The following INTS3 variants were observed in gnomAD, a reference collection of about 807,000 sequenced individuals.
INTS3 encodes integrator complex subunit 3, also known as SOSS complex subunit A.
A neutral mutation model predicts 146.3 loss-of-function variants in INTS3; 34 were observed. The observed-to-expected ratio is 0.23, with a 90% CI of 0.18 to 0.31. The LOEUF (loss-of-function observed/expected upper bound fraction) is 0.31. Among genes scored for constraint, INTS3 ranks in the 10% least tolerant of loss-of-function variants. The pLI is 1.00. For synonymous variants in INTS3, 475 were observed against 494.9 expected, an observed-to-expected ratio of 0.96 and a Z score of 0.53; for missense variants, 757 against 1,304.2, an observed-to-expected ratio of 0.58 and a Z score of 6.46.
intron 18 of INTS3, 60 bp downstream of exon 18, chr1:153,764,281 G>A (rs1672494419): frequency 2.7e-6 from 3 of 1,115,744 alleles, no homozygotes; most frequent in Non-Finnish European, 2.7e-6. Context: ...CTTACAGCCT[G>A]AGTCCAAGAG....
intron 3 of INTS3, among the ~76,000 whole-genome samples, chr1:153,741,821 C>G (rs1671545349): frequency 6.6e-6 from 1 of 152,158 alleles, no homozygotes; most frequent in South Asian, 2.1e-4. Flanking sequence ...ATGATTGATG[C>G]AGTAAATAAT....
chr1:153,764,075 T>C, intron 17 of INTS3, 43 bp from the exon 18 acceptor site: 1 of 1,511,528 alleles, frequency 6.6e-7, no homozygotes, highest in South Asian at 1.1e-5. Context: ...CAGGAGGGCT[T>C]GGGTGTAGGT....
chr1:153,734,572 G>A (rs930053847), intron 1 of INTS3, among the ~76,000 whole-genome samples: 1 of 152,200 alleles, frequency 6.6e-6, no homozygotes, highest in African/African-American at 2.4e-5. Flanking sequence ...GTGACCCATA[G>A]AATTGACTCA....
At chr1:153,751,940 C>T in intron 7 of INTS3, 1 of 300,230 alleles carries the variant, frequency 3.3e-6, no homozygotes, top group South Asian at 3.5e-5. Flanking sequence ...GTTAGGGTTT[C>T]TGGGGCTCAA....
chr1:153,743,456 G>A lies in INTS3; in HGVS notation c.318+2088G>A, dbSNP rs186778597. ...AGCCTCTGTTAGTACTGGCAGGCAG[G>A]TTCAAGGAGTTAGGGCCAACTCTCT... On this transcript the variant is annotated intron_variant, in intron 3 of 29. Coordinates refer to ENST00000318967, the MANE Select transcript of INTS3 (RefSeq NM_023015.5). 7.2e-5 allele frequency among the ~76,000 whole-genome samples: 11 copies of A among 152,296 alleles called. 1 individual carries two copies. The East Asian group carries it at 2.1e-3, about 29-fold the overall frequency.
intron 10 of INTS3, among the ~76,000 whole-genome samples, chr1:153,758,767 C>G (rs1672259960): frequency 6.6e-6 from 1 of 151,490 alleles, no homozygotes; most frequent in African/African-American, 2.4e-5. Context: ...CACTGCACTC[C>G]AGCCTGGGTG....
At chr1:153,736,529 C>T (rs1254350445) in intron 1 of INTS3, among the ~76,000 whole-genome samples, 1 of 151,688 alleles carries the variant, frequency 6.6e-6, no homozygotes, top group Middle Eastern at 3.2e-3. Flanking sequence ...TCACTGCAAC[C>T]TCTGCCTCCC....
At position 153,744,038 on chromosome 1, in the gene INTS3, CGTGTGTGTGTGTGTGT is replaced by C. The variant is rs200825280; in HGVS notation, c.318+2699_318+2714del. On this transcript the variant is annotated intron_variant, in intron 3 of 29. Coordinates refer to ENST00000318967, the MANE Select transcript of INTS3 (RefSeq NM_023015.5). ...TTTCCTCACTGAGGGTGTGCATGTG[CGTGTGTGTGTGTGTGT>C]GTGTGTGTGTGTGTGTGTGTGTGTG... 2.1e-4 allele frequency among the ~76,000 whole-genome samples: 30 copies of C among 142,338 alleles called. No individual in the cohort carries two copies. The South Asian group carries it at 2.8e-3, about 13-fold the overall frequency. The allele number at this position is 142,338 out of a possible 152,430, so 93.4% of individuals were successfully genotyped here.
In INTS3 at chr1:153,752,217, G is replaced by A. The variant is rs1031386130; in HGVS notation, c.730-62G>A. Reference sequence around the variant, plus strand: ...ATGTTGTTCCTTTGTCCTCCCTCCAGCAGGTAAACAATCCATGTTTTTATT... The same window carrying A: ...ATGTTGTTCCTTTGTCCTCCCTCCAACAGGTAAACAATCCATGTTTTTATT... On this transcript the variant is annotated intron_variant, in intron 7 of 29. Coordinates refer to ENST00000318967, the MANE Select transcript of INTS3 (RefSeq NM_023015.5). 4 of 1,520,006 alleles carry A rather than the reference G, an allele frequency of 2.6e-6. No individual in the cohort carries two copies. The East Asian group carries it at 9.0e-5, about 34-fold the overall frequency. The allele number at this position is 1,520,006 out of a possible 1,614,324, so 94.2% of individuals were successfully genotyped here.
chr1:153,744,032 CATGTGCGTGT>C (rs1476192704), intron 3 of INTS3, among the ~76,000 whole-genome samples: 5 of 116,414 alleles, frequency 4.3e-5, no homozygotes, highest in African/African-American at 1.7e-4. Context: ...TGAGGGTGTG[CATGTGCGTGT>C]GTGTGTGTGT....
intron 1 of INTS3, among the ~76,000 whole-genome samples, chr1:153,736,422 G>A (rs1671294171): frequency 6.6e-6 from 1 of 151,538 alleles, no homozygotes; most frequent in African/African-American, 2.4e-5. Context: ...GAGGATAATG[G>A]TAAAGGAGAA....
chr1:153,748,845 C>A, intron 6 of INTS3, 90 bp downstream of exon 6: 2 of 1,006,914 alleles, frequency 2.0e-6, no homozygotes, highest in Non-Finnish European at 3.2e-6. Flanking sequence ...GATTGTGTGG[C>A]CCAAGAACAC....
In INTS3 at chr1:153,773,609, C is replaced by T. The variant is rs906101208; in HGVS notation, c.*339C>T. The T allele has an allele frequency of 1.7e-5, 7 of 403,688 alleles. No individual in the cohort carries two copies. Among genetic ancestry groups the T allele is most frequent in the Non-Finnish European group, 2.8e-5 (6 of 213,796 alleles). The allele number at this position is 403,688 out of a possible 1,614,324, so 25.0% of individuals were successfully genotyped here. On this transcript the variant is annotated 3_prime_UTR_variant, in exon 30 of 30. Transcript: ENST00000318967. Reference sequence around the variant, plus strand: ...TCTCCTCCCCCAGTCTCCCAAAGAGCCATTTCAACAGAGAAGGGAAATGAC... The same window carrying T: ...TCTCCTCCCCCAGTCTCCCAAAGAGTCATTTCAACAGAGAAGGGAAATGAC...
rs200465408 is a variant in INTS3 at position 153,736,218 on chromosome 1, A to T, written c.151-4433A>T. Reference sequence around the variant, plus strand: ...TTTCACAAGTACACAGGTGCTTTTTATTCAGGCTGAGCTGCCAATCTGACC... The same window carrying T: ...TTTCACAAGTACACAGGTGCTTTTTTTTCAGGCTGAGCTGCCAATCTGACC... On this transcript the variant is annotated intron_variant, in intron 1 of 29. Transcript: ENST00000318967. Among the ~76,000 whole-genome samples, 3 of 152,272 alleles carry T rather than the reference A, an allele frequency of 2.0e-5. No individual in the cohort carries two copies. In the East Asian group the frequency reaches 5.8e-4, roughly 29 times the overall value.
At chr1:153,767,555 A>C (rs964721831) in intron 20 of INTS3, 119 bp from the exon 21 acceptor site, 8 of 1,007,032 alleles carry the variant, frequency 7.9e-6, no homozygotes, top group Non-Finnish European at 1.1e-5. Context: ...GACATGAGGC[A>C]GATTAGCACA....
chr1:153,773,068 CCAG>C lies in INTS3; in HGVS notation c.3042_3044del (p.Ser1015del). On this transcript the variant is annotated inframe_deletion, in exon 29 of 30. Transcript: ENST00000318967. ...CCCAATGCCGAAGAAGAGTCGGGCT[CCAG>C]CAGTGCTTCAGTGAGAACCCAGCCA... The C allele has an allele frequency of 6.2e-7, 1 of 1,614,130 alleles. No homozygotes were observed. The highest frequency in any genetic ancestry group is 8.5e-7 in the Non-Finnish European group (1 of 1,180,020).
At chr1:153,758,476 C>G (rs1422794777) in intron 10 of INTS3, among the ~76,000 whole-genome samples, 1 of 152,126 alleles carries the variant, frequency 6.6e-6, no homozygotes, top group Non-Finnish European at 1.5e-5. Context: ...AGCATTGTCC[C>G]CTATGGGAAT....
intron 25 of INTS3, among the ~76,000 whole-genome samples, chr1:153,771,020 C>T (rs912725672): frequency 1.3e-5 from 2 of 152,202 alleles, no homozygotes; most frequent in Non-Finnish European, 1.5e-5. Flanking sequence ...TCCCTGGTGG[C>T]TCCTGCTCCC....
At chr1:153,760,179 C>T in intron 11 of INTS3, 132 bp from the exon 12 acceptor site, 1 of 631,486 alleles carries the variant, frequency 1.6e-6, no homozygotes, top group Non-Finnish European at 2.6e-6. Context: ...CTTCAGTGAG[C>T]TGAGATCGTA....
Sources: gnomAD v4.1 joint callset for allele counts (sites outside exome capture counted in the v4.1 genomes callset) on GRCh38, gnomAD v4.1.1 for gene constraint, MANE v1.5 for transcripts, NCBI Gene and HGNC (gene_info 2026-07-23, HGNC 2026-07-21) for gene names.